The following SPOP variants were observed in gnomAD, a reference collection of about 807,000 sequenced individuals.
SPOP encodes speckle-type POZ protein.
Under a neutral mutation model 45.6 loss-of-function variants are expected in SPOP, and 11 were observed. The ratio of observed to expected loss-of-function variants is 0.24; its 90% CI spans 0.15 to 0.40. The LOEUF (loss-of-function observed/expected upper bound fraction) is 0.40. Ranked by LOEUF, SPOP falls within the 10% of genes least tolerant of loss-of-function variation. SPOP has a pLI of 1.00. For missense variants in SPOP, 152 were observed against 465.6 expected (o/e 0.33, Z 6.20); for synonymous variants, 166 against 166.3 (o/e 1.00, Z 0.01).
rs79358861 is a variant in SPOP, at chr17:49,641,532, G to A, written c.-66-18656C>T. On this transcript the variant is annotated intron_variant, in intron 1 of 9. Transcript: ENST00000504102. ...AATTAATGTTTTCTTTTAGATTCCCGTGCTTGAAAGATTAGACAGTAACTC... is the reference window on the plus strand; with the variant it reads ...AATTAATGTTTTCTTTTAGATTCCCATGCTTGAAAGATTAGACAGTAACTC... Among the ~76,000 whole-genome samples the A allele has an allele frequency of 2.6e-4, 39 of 148,370 alleles. No individual in the cohort carries two copies. In the East Asian group the frequency reaches 5.7e-3, roughly 22 times the overall value.
intron 1 of SPOP, among the ~76,000 whole-genome samples, chr17:49,642,658 G>C (rs940254914): frequency 2.0e-5 from 3 of 152,188 alleles, no homozygotes; most frequent in African/African-American, 7.2e-5. Context: ...CAGAGTGGAA[G>C]GGAAAACGAA....
chr17:49,644,586 A>G (rs1380969737), intron 1 of SPOP, among the ~76,000 whole-genome samples: 1 of 152,176 alleles, frequency 6.6e-6, no homozygotes, highest in Admixed American at 6.5e-5. Context: ...CATCAAAGGG[A>G]TTGTGGAAAA....
rs1167183799 is a variant in SPOP, at chr17:49,619,218, AGAG to A, written c.352+13_352+15del. Reference sequence around the variant, plus strand: ...GATGTGAAACTTAAGAGTTGAACAAAGAGGAGAACATTTACCCATAGCTTTGGT... The same window carrying A: ...GATGTGAAACTTAAGAGTTGAACAAAGAGAACATTTACCCATAGCTTTGGT... On this transcript the variant is annotated intron_variant, in intron 4 of 9. Transcript: ENST00000504102. The surrounding 1 kb of genome is among the most constrained non-coding windows in gnomAD (Gnocchi z 4.9). 7.4e-6 allele frequency: 12 copies of A among 1,613,600 alleles called. No homozygotes were observed. The highest frequency in any genetic ancestry group is 1.0e-5 in the Non-Finnish European group (12 of 1,179,708).
At chr17:49,607,807 C>A in intron 7 of SPOP, 67 bp downstream of exon 7, 1 of 1,455,666 alleles carries the variant, frequency 6.9e-7, no homozygotes, top group Non-Finnish European at 9.5e-7. Flanking sequence ...GAATCTGCAG[C>A]TAAAGTGGGA....
intron 1 of SPOP, among the ~76,000 whole-genome samples, chr17:49,638,441 T>C (rs929775405): frequency 2.6e-5 from 4 of 151,874 alleles, no homozygotes; most frequent in Non-Finnish European, 5.9e-5. Context: ...ATACAAAAAT[T>C]AACTGGGCAT....
chr17:49,666,464 C>G (rs1296827655), intron 1 of SPOP, among the ~76,000 whole-genome samples: 1 of 151,116 alleles, frequency 6.6e-6, no homozygotes, highest in African/African-American at 2.4e-5. Context: ...CACACACACA[C>G]ACACACACAC....
At chr17:49,636,564 A>T (rs939775349) in intron 1 of SPOP, among the ~76,000 whole-genome samples, 3 of 152,232 alleles carry the variant, frequency 2.0e-5, no homozygotes, top group African/African-American at 7.2e-5. Flanking sequence ...TTCTTATTTT[A>T]AAAGAAAATC....
intron 1 of SPOP, among the ~76,000 whole-genome samples, chr17:49,638,973 A>ACT (rs2072596667): frequency 6.6e-6 from 1 of 152,228 alleles, no homozygotes; most frequent in African/African-American, 2.4e-5. Context: ...AGACTGAGCC[A>ACT]ACAATCCCAC....
At chr17:49,661,823 G>A (rs904121722) in intron 1 of SPOP, among the ~76,000 whole-genome samples, 1 of 151,988 alleles carries the variant, frequency 6.6e-6, no homozygotes, top group East Asian at 1.9e-4. Context: ...AGACCAGCCT[G>A]ACCAACATTG....
intron 1 of SPOP, among the ~76,000 whole-genome samples, chr17:49,647,313 T>TTA (rs2072775309): frequency 2.3e-5 from 1 of 43,118 alleles, no homozygotes; most frequent in Non-Finnish European, 4.1e-5. Flanking sequence ...GATGCCGTCT[T>TTA]AAAAAAAAAA....
chr17:49,609,987 G>C (rs761314972), intron 6 of SPOP, among the ~76,000 whole-genome samples: 2 of 152,094 alleles, frequency 1.3e-5, no homozygotes, highest in African/African-American at 4.8e-5. Context: ...ATGCAGGTGA[G>C]GTAAGAAGCA....
chr17:49,638,970 G>GC (rs2072596471), intron 1 of SPOP, among the ~76,000 whole-genome samples: 1 of 152,162 alleles, frequency 6.6e-6, no homozygotes, highest in African/African-American at 2.4e-5. Flanking sequence ...CAGAGACTGA[G>GC]CCAACAATCC....
intron 1 of SPOP, among the ~76,000 whole-genome samples, chr17:49,665,978 C>CAA (rs771605545): frequency 6.4e-5 from 4 of 62,702 alleles, no homozygotes; most frequent in Non-Finnish European, 1.0e-4. Context: ...GACTCCATCT[C>CAA]AAAAAAAAAA....
intron 1 of SPOP, among the ~76,000 whole-genome samples, chr17:49,644,477 G>A (rs1386971131): frequency 6.6e-6 from 1 of 152,126 alleles, no homozygotes; most frequent in Non-Finnish European, 1.5e-5. Flanking sequence ...AGAAGAAGAT[G>A]ATGATGATGA....
chr17:49,664,044 T>G (rs2073022014), intron 1 of SPOP, among the ~76,000 whole-genome samples: 1 of 152,178 alleles, frequency 6.6e-6, no homozygotes, highest in Non-Finnish European at 1.5e-5. Context: ...CAGCATGATA[T>G]TCTAAAATCA....
At chr17:49,617,610 T>C (rs11079873) in intron 5 of SPOP, among the ~76,000 whole-genome samples, 63,575 of 152,002 alleles carry the variant, frequency 0.42, 13,635 homozygotes, top group South Asian at 0.51. Context: ...TTTCTAATCA[T>C]TTGCAACTAC....
intron 1 of SPOP, among the ~76,000 whole-genome samples, chr17:49,661,527 G>C (rs2072987654): frequency 6.6e-6 from 1 of 152,022 alleles, no homozygotes; most frequent in African/African-American, 2.4e-5. Context: ...AGACAGTCCT[G>C]AATCTCACCC....
rs780840574 is a variant in SPOP, at chr17:49,611,386, G to A, written c.552C>T (p.Cys184=). The change falls in exon 6 of 10, where the codon TGC becomes TGT. Residue 184 remains cysteine, a synonymous_variant. Coordinates refer to ENST00000504102, the MANE Select transcript of SPOP (RefSeq NM_001007228.2). ...NTMNMVKVPE[C]RLADELGGLW... is the part of the protein sequence containing the mutation. The stretch of plus-strand genomic sequence containing the variant: ...GTCCTCCTAACTCATCTGCCAGCCG[G>A]CACTCAGGAACCTTTACCATGTTCA... 3 of 1,614,130 alleles carry A rather than the reference G, an allele frequency of 1.9e-6. No homozygotes were observed. The highest frequency in any genetic ancestry group is 1.1e-5 in the South Asian group (1 of 91,082).
rs879818588 is a variant in SPOP at position 49,606,361 on chromosome 17, G to GCCCAGGCTGGCCTTGAACT, written c.837+870_837+888dup. Among the ~76,000 whole-genome samples, 120 of 152,094 alleles carry GCCCAGGCTGGCCTTGAACT rather than the reference G, an allele frequency of 7.9e-4. 2 individuals are homozygous for GCCCAGGCTGGCCTTGAACT. Among genetic ancestry groups the GCCCAGGCTGGCCTTGAACT allele is most frequent in the Admixed American group, 2.6e-4 (4 of 15,256 alleles). On this transcript the variant is annotated intron_variant, in intron 8 of 9. Transcript: ENST00000504102. Reference sequence around the variant, plus strand: ...TTTTTGTAGGGATGGAGTCTATGTTGCCCAGGCTGGCCTTGAACTCCTGGG... The same window carrying GCCCAGGCTGGCCTTGAACT: ...TTTTTGTAGGGATGGAGTCTATGTTGCCCAGGCTGGCCTTGAACTCCCAGGCTGGCCTTGAACTCCTGGG...
Sources: allele counts gnomAD v4.1 joint callset (sites outside exome capture counted in the v4.1 genomes callset), GRCh38; gene constraint gnomAD v4.1.1; non-coding constraint Gnocchi (gnomAD v3.1); transcripts MANE v1.5; gene names NCBI Gene and HGNC (gene_info 2026-07-23, HGNC 2026-07-21).